NTRK2: variants seen among roughly 807,000 people sequenced by gnomAD.
The protein encoded by NTRK2 is neurotrophic receptor tyrosine kinase 2.
In NTRK2, 13 loss-of-function variants were observed where a neutral mutation model predicts 94.5. That is an observed-to-expected ratio of 0.14 (90% CI 0.09 to 0.22). The LOEUF (loss-of-function observed/expected upper bound fraction) is 0.22, where lower values mean the gene tolerates loss of function less well. NTRK2 is among the 10% of genes least tolerant of loss of function. The probability of loss-of-function intolerance (pLI) is 1.00; values close to 1 mark genes in which losing one functional copy is unlikely to be tolerated. For synonymous variants in NTRK2, 372 were observed against 407.4 expected, an observed-to-expected ratio of 0.91 and a Z score of 1.05; for missense variants, 639 against 1,071.2, an observed-to-expected ratio of 0.60 and a Z score of 5.63.
At chr9:84,957,436 T>C (rs1824279789) in intron 17 of NTRK2, among the ~76,000 whole-genome samples, 3 of 152,184 alleles carry the variant, frequency 2.0e-5, no homozygotes, top group Admixed American at 2.0e-4. Context: ...AATTCGAAAG[T>C]AGGAGAAGGT....
chr9:84,789,324 G>A (rs1013200753), intron 12 of NTRK2, among the ~76,000 whole-genome samples: 1 of 152,098 alleles, frequency 6.6e-6, no homozygotes, highest in Admixed American at 6.5e-5. Flanking sequence ...CAGAAGCCTC[G>A]GTGAGGTGTA....
In NTRK2 at chr9:85,025,634, A is replaced by G; in HGVS notation, c.*4197A>G. On this transcript the variant is annotated 3_prime_UTR_variant, in exon 19 of 19. Transcript: ENST00000277120. ...CAATAACATTGTTGTATCTAACTAA[A>G]TAAATGACTGCATATACACACATAC... The G allele has an allele frequency of 4.3e-6, 1 of 233,266 alleles. No homozygotes were observed. The highest frequency in any genetic ancestry group is 2.2e-5 in the African/African-American group (1 of 45,480). 14.4% of individuals were successfully genotyped at this position (233,266 alleles called of 1,614,324 possible).
At chr9:84,711,497 C>T (rs1445217744) in intron 6 of NTRK2, among the ~76,000 whole-genome samples, 2 of 152,200 alleles carry the variant, frequency 1.3e-5, no homozygotes, top group Non-Finnish European at 2.9e-5. Flanking sequence ...CAGTGATGTA[C>T]CTCTACAATA....
At chr9:84,702,270 AT>A in intron 3 of NTRK2, 37 bp downstream of exon 3, 1 of 1,612,246 alleles carries the variant, frequency 6.2e-7, no homozygotes, top group Non-Finnish European at 8.5e-7. Flanking sequence ...ATCTCAGAGA[AT>A]TTTCCTGTTG....
At chr9:84,848,525 G>A (rs1317835007) in intron 12 of NTRK2, among the ~76,000 whole-genome samples, 10 of 152,256 alleles carry the variant, frequency 6.6e-5, no homozygotes, top group South Asian at 4.1e-4. Context: ...ATTTAGTTAC[G>A]ATTCTAGAAC....
intron 9 of NTRK2, among the ~76,000 whole-genome samples, chr9:84,736,553 T>C (rs1436646003): frequency 2.0e-5 from 3 of 152,218 alleles, no homozygotes; most frequent in Non-Finnish European, 4.4e-5. Flanking sequence ...CTTTGGTCTT[T>C]TGTCAGGACC....
chr9:84,770,732 A>G (rs1437064561), intron 12 of NTRK2, among the ~76,000 whole-genome samples: 5 of 152,236 alleles, frequency 3.3e-5, no homozygotes, highest in African/African-American at 9.6e-5. Context: ...GTTGTGGGCC[A>G]GGTCCTTGAC....
intron 2 of NTRK2, among the ~76,000 whole-genome samples, chr9:84,674,519 A>G (rs1406933302): frequency 6.6e-6 from 1 of 152,162 alleles, no homozygotes; most frequent in Non-Finnish European, 1.5e-5. Flanking sequence ...AAAGGCATCA[A>G]TTTTTATTAC....
chr9:84,810,827 G>T, intron 12 of NTRK2: 1 of 1,349,318 alleles, frequency 7.4e-7, no homozygotes, highest in Non-Finnish European at 9.5e-7. Flanking sequence ...AAGAAAACAT[G>T]TTAAATTAAT....
intron 12 of NTRK2, among the ~76,000 whole-genome samples, chr9:84,782,951 C>G (rs1050540267): frequency 1.3e-4 from 20 of 152,072 alleles, no homozygotes; most frequent in African/African-American, 4.8e-4. Context: ...TTGACTTCCC[C>G]AAATGTAAGA....
intron 14 of NTRK2, among the ~76,000 whole-genome samples, chr9:84,927,677 C>T (rs2077872270): frequency 6.6e-6 from 1 of 152,062 alleles, no homozygotes; most frequent in African/African-American, 2.4e-5. Context: ...ATTATACAAT[C>T]TCACATGAGT....
intron 11 of NTRK2, among the ~76,000 whole-genome samples, chr9:84,747,779 C>A (rs149207145): frequency 7.0e-4 from 107 of 152,262 alleles, no homozygotes; most frequent in African/African-American, 2.4e-3. Flanking sequence ...CCGCACCTGG[C>A]CTTCTGGGGT....
intron 2 of NTRK2, among the ~76,000 whole-genome samples, chr9:84,690,404 C>G (rs892625068): frequency 1.3e-5 from 2 of 152,102 alleles, no homozygotes; most frequent in African/African-American, 4.8e-5. Flanking sequence ...TGCTGTGATT[C>G]GTGATGACTT....
chr9:84,857,105 G>GTTT (rs11424631), intron 12 of NTRK2, among the ~76,000 whole-genome samples: 2 of 146,422 alleles, frequency 1.4e-5, no homozygotes, highest in African/African-American at 2.5e-5. Flanking sequence ...TTGAAAAAGT[G>GTTT]TTTTTTTTTT....
chr9:84,694,727 G>A (rs1444000602), intron 2 of NTRK2, among the ~76,000 whole-genome samples: 6 of 152,086 alleles, frequency 3.9e-5, no homozygotes, highest in Non-Finnish European at 7.4e-5. Context: ...TTGAAATGCC[G>A]TGGCTGTAAG....
intron 12 of NTRK2, among the ~76,000 whole-genome samples, chr9:84,797,588 ATATATAC>A (rs1156350520): frequency 4.4e-5 from 4 of 91,664 alleles, no homozygotes; most frequent in South Asian, 2.6e-4. Context: ...TATATATACT[ATATATAC>A]TATATATTAT....
intron 12 of NTRK2, among the ~76,000 whole-genome samples, chr9:84,793,961 C>T (rs1464391256): frequency 1.3e-5 from 2 of 152,258 alleles, no homozygotes; most frequent in African/African-American, 4.8e-5. Context: ...ATTATCTGGC[C>T]CTTTGCAGAA....
intron 9 of NTRK2, among the ~76,000 whole-genome samples, chr9:84,734,287 A>C (rs1484391953): frequency 6.6e-6 from 1 of 152,184 alleles, no homozygotes; most frequent in East Asian, 1.9e-4. Context: ...TCCTCTCCTT[A>C]GGTAGGCATT....
intron 17 of NTRK2, among the ~76,000 whole-genome samples, chr9:84,992,946 A>G (rs1286876774): frequency 1.3e-5 from 2 of 150,430 alleles, no homozygotes; most frequent in African/African-American, 2.4e-5. Flanking sequence ...TTATATATAT[A>G]TATAACGGTT....
Sources: allele counts gnomAD v4.1 joint callset (sites outside exome capture counted in the v4.1 genomes callset), GRCh38; gene constraint gnomAD v4.1.1; transcripts MANE v1.5; gene names NCBI Gene and HGNC (gene_info 2026-07-23, HGNC 2026-07-21).